Variants in ZRANB3 observed in about 807,000 individuals in gnomAD.
The protein encoded by ZRANB3 is zinc finger RANBP2-type containing 3, also known as DNA annealing helicase and endonuclease ZRANB3.
Under a neutral mutation model 133.8 loss-of-function variants are expected in ZRANB3, and 125 were observed. The ratio of observed to expected loss-of-function variants is 0.93; its 90% CI spans 0.81 to 1.08. ZRANB3 has a LOEUF of 1.08. ZRANB3 is among the 50% of genes least tolerant of loss of function. ZRANB3 has a pLI of 0.00. For synonymous variants in ZRANB3, 387 were observed against 432.7 expected, an observed-to-expected ratio of 0.89 and a Z score of 1.31; for missense variants, 1,229 against 1,275.5, an observed-to-expected ratio of 0.96 and a Z score of 0.56.
intron 2 of ZRANB3, among the ~76,000 whole-genome samples, chr2:135,398,774 C>T (rs1292453801): frequency 3.9e-5 from 6 of 152,012 alleles, no homozygotes; most frequent in Non-Finnish European, 7.4e-5. Flanking sequence ...CCGCCAGCCC[C>T]GGCCTCCCAA....
chr2:135,413,982 C>A (rs374626112), intron 2 of ZRANB3, among the ~76,000 whole-genome samples: 3 of 151,794 alleles, frequency 2.0e-5, no homozygotes, highest in East Asian at 3.9e-4. Flanking sequence ...GGAACGAGTA[C>A]CAACCGTGGC....
chr2:135,370,156 ATTG>A (rs1049080697), intron 3 of ZRANB3, among the ~76,000 whole-genome samples: 1 of 147,782 alleles, frequency 6.8e-6, no homozygotes, highest in African/African-American at 2.5e-5. Flanking sequence ...TTTTTTACCT[ATTG>A]TTCTATAATC....
At chr2:135,418,940 T>C (rs1227835535) in intron 2 of ZRANB3, among the ~76,000 whole-genome samples, 5 of 132,578 alleles carry the variant, frequency 3.8e-5, no homozygotes, top group Admixed American at 1.5e-4. Flanking sequence ...TTTTTTTTTT[T>C]TTTTTTTTTT....
In ZRANB3 at chr2:135,197,418, T is replaced by C; in HGVS notation, c.*2924A>G. On this transcript the variant is annotated 3_prime_UTR_variant, in exon 21 of 21. Coordinates refer to ENST00000264159, the MANE Select transcript of ZRANB3 (RefSeq NM_032143.4). The stretch of plus-strand genomic sequence containing the variant: ...AATCTGAAGAAGGGATTTGGTTTAT[T>C]AGCAAGATGTATGGGCATAAAATCC... The C allele has an allele frequency of 6.6e-6, 1 of 152,242 alleles. No homozygotes were observed. Among genetic ancestry groups the C allele is most frequent in the Non-Finnish European group, 1.5e-5 (1 of 68,036 alleles). The allele number at this position is 152,242 out of a possible 1,614,324, so 9.4% of individuals were successfully genotyped here.
chr2:135,297,687 C>T (rs1420562900), intron 8 of ZRANB3, among the ~76,000 whole-genome samples: 1 of 152,230 alleles, frequency 6.6e-6, no homozygotes, highest in Non-Finnish European at 1.5e-5. Context: ...GAGCTGTAGA[C>T]TGGAGCTGTT....
intron 2 of ZRANB3, among the ~76,000 whole-genome samples, chr2:135,456,139 G>A (rs949609396): frequency 2.0e-5 from 3 of 152,076 alleles, no homozygotes; most frequent in African/African-American, 7.2e-5. Context: ...GGTAGACTTG[G>A]CTATATAGCA....
chr2:135,344,602 T>C (rs1043722515), intron 6 of ZRANB3, among the ~76,000 whole-genome samples: 15 of 152,122 alleles, frequency 9.9e-5, no homozygotes, highest in South Asian at 4.1e-4. Flanking sequence ...CCGGGCATGG[T>C]TGCGCATGCC....
chr2:135,388,749 A>T (rs1687094119), intron 3 of ZRANB3, among the ~76,000 whole-genome samples: 1 of 152,166 alleles, frequency 6.6e-6, no homozygotes. Context: ...TTGGACTCTC[A>T]AATTAATTAA....
chr2:135,436,548 T>A (rs903338622), intron 2 of ZRANB3, among the ~76,000 whole-genome samples: 1 of 152,054 alleles, frequency 6.6e-6, no homozygotes, highest in South Asian at 2.1e-4. Context: ...TAGGAATCTA[T>A]CTAACCAGGG....
In ZRANB3 at chr2:135,500,841, TGA is replaced by T. The variant is rs150406559; in HGVS notation, c.161+3486_161+3487del. Among the ~76,000 whole-genome samples the T allele has an allele frequency of 3.0e-3, 451 of 150,508 alleles. 2 individuals are homozygous for T. Among genetic ancestry groups the T allele is most frequent in the African/African-American group, 0.01 (427 of 41,052 alleles). ...TTAGACCAGCCGGTTGTGAATTCTA[TGA>T]GAGAACTTGAAAACAGTCATAATGT... On this transcript the variant is annotated intron_variant, in intron 2 of 20. Transcript: ENST00000264159.
intron 10 of ZRANB3, among the ~76,000 whole-genome samples, chr2:135,270,455 C>T (rs749483191): frequency 3.3e-5 from 5 of 152,092 alleles, no homozygotes; most frequent in Non-Finnish European, 7.4e-5. Context: ...GAAGCACAGC[C>T]TTGAATAAAA....
chr2:135,422,154 T>A (rs547264820), intron 2 of ZRANB3, among the ~76,000 whole-genome samples: 3 of 152,254 alleles, frequency 2.0e-5, no homozygotes, highest in South Asian at 2.1e-4. Flanking sequence ...TATCTTTTTT[T>A]AATTCTCTTG....
intron 4 of ZRANB3, among the ~76,000 whole-genome samples, chr2:135,351,865 A>T (rs1043591744): frequency 2.6e-5 from 4 of 152,160 alleles, no homozygotes; most frequent in African/African-American, 9.7e-5. Flanking sequence ...GGAAACTTAT[A>T]CTCTGGAGTT....
At chr2:135,314,188 T>C (rs548527833) in intron 7 of ZRANB3, among the ~76,000 whole-genome samples, 1 of 152,250 alleles carries the variant, frequency 6.6e-6, no homozygotes, top group East Asian at 1.9e-4. Context: ...GAAGATACAT[T>C]CTGTAAAATG....
intron 12 of ZRANB3, among the ~76,000 whole-genome samples, chr2:135,251,709 C>T (rs1259283600): frequency 6.6e-6 from 1 of 152,224 alleles, no homozygotes; most frequent in Non-Finnish European, 1.5e-5. Flanking sequence ...GATTCTGAGG[C>T]CTTCTCAGCC....
chr2:135,414,664 C>A (rs899040454), intron 2 of ZRANB3, among the ~76,000 whole-genome samples: 3 of 152,052 alleles, frequency 2.0e-5, no homozygotes, highest in African/African-American at 7.2e-5. Flanking sequence ...TTTTTCAGCA[C>A]CACACCACAC....
chr2:135,274,936 T>C (rs1374885428), intron 9 of ZRANB3, among the ~76,000 whole-genome samples: 3 of 152,068 alleles, frequency 2.0e-5, no homozygotes, highest in Non-Finnish European at 4.4e-5. Context: ...GAGCACGGGG[T>C]TGGGGGTAAG....
chr2:135,224,000 G>A (rs1694657618), intron 15 of ZRANB3, among the ~76,000 whole-genome samples: 1 of 152,134 alleles, frequency 6.6e-6, no homozygotes, highest in Non-Finnish European at 1.5e-5. Flanking sequence ...AATCCTGTCT[G>A]CATTTTATTT....
intron 6 of ZRANB3, among the ~76,000 whole-genome samples, chr2:135,338,283 T>A (rs1334922745): frequency 1.3e-5 from 2 of 152,226 alleles, no homozygotes; most frequent in African/African-American, 2.4e-5. Flanking sequence ...AAACAAGTGT[T>A]CTGCCCTCAA....
Sources: gnomAD v4.1 joint callset for allele counts (sites outside exome capture counted in the v4.1 genomes callset) on GRCh38, gnomAD v4.1.1 for gene constraint, MANE v1.5 for transcripts, NCBI Gene and HGNC (gene_info 2026-07-23, HGNC 2026-07-21) for gene names.